DPYSL4: variants seen among roughly 807,000 people sequenced by gnomAD.
The protein encoded by DPYSL4 is dihydropyrimidinase like 4.
In DPYSL4, 43 loss-of-function variants were observed where a neutral mutation model predicts 63.4. The ratio of observed to expected loss-of-function variants is 0.68; its 90% CI spans 0.53 to 0.88. The LOEUF (loss-of-function observed/expected upper bound fraction) is 0.88. Ranked by LOEUF, DPYSL4 falls within the 40% of genes least tolerant of loss-of-function variation. DPYSL4 has a pLI of 0.00. For missense variants in DPYSL4, 733 were observed against 819.5 expected (o/e 0.89, Z 1.29); for synonymous variants, 353 against 331.7 (o/e 1.06, Z -0.70).
intron 1 of DPYSL4, among the ~76,000 whole-genome samples, chr10:132,187,742 C>G (rs187259067): frequency 2.0e-5 from 3 of 152,230 alleles, no homozygotes; most frequent in African/African-American, 4.8e-5. Flanking sequence ...GGCCACTGGC[C>G]GGGAACCCTG....
In DPYSL4 at chr10:132,200,839, C is replaced by T; in HGVS notation, c.969-3C>T. 6.2e-7 allele frequency: 1 copy of T among 1,611,700 alleles called. No homozygotes were observed. Among genetic ancestry groups the T allele is most frequent in the Non-Finnish European group, 8.5e-7 (1 of 1,179,366 alleles). ...GGACCCTCTGACCCTGGCTTGTTTCCAGCGGGGACCTCCAGGTGACAGGCA... is the reference window on the plus strand; with the variant it reads ...GGACCCTCTGACCCTGGCTTGTTTCTAGCGGGGACCTCCAGGTGACAGGCA... On this transcript the variant is annotated splice_polypyrimidine_tract_variant and splice_region_variant and intron_variant, in intron 9 of 13. Transcript: ENST00000338492.
chr10:132,194,489 G>A (rs1258890579), intron 3 of DPYSL4, among the ~76,000 whole-genome samples: 3 of 152,226 alleles, frequency 2.0e-5, no homozygotes, highest in African/African-American at 7.2e-5. Context: ...GGCCCTCGGG[G>A]TGCCTCACCC....
In DPYSL4 at chr10:132,205,000, C is replaced by T. The variant is rs978068058; in HGVS notation, c.*70C>T. The T allele has an allele frequency of 2.4e-6, 3 of 1,273,186 alleles. No homozygotes were observed. Among genetic ancestry groups the T allele is most frequent in the African/African-American group, 1.5e-5 (1 of 66,458 alleles). 78.9% of individuals were successfully genotyped at this position (1,273,186 alleles called of 1,614,324 possible). On this transcript the variant is annotated 3_prime_UTR_variant, in exon 14 of 14. Transcript: ENST00000338492. ...CCGCGGGGGCCCCAGGGCACTCGCC[C>T]CCCTCCTTAGCATTTTCTTTTGTAG...
intron 12 of DPYSL4, 34 bp from the exon 13 acceptor site, chr10:132,203,728 T>G: frequency 6.4e-7 from 1 of 1,571,230 alleles, no homozygotes; most frequent in Non-Finnish European, 8.6e-7. Flanking sequence ...GCTCAGCCCC[T>G]CATGCCCTGT....
chr10:132,200,323 G>C, intron 8 of DPYSL4, 33 bp from the exon 9 acceptor site: 1 of 1,609,890 alleles, frequency 6.2e-7, no homozygotes, highest in South Asian at 1.1e-5. Context: ...GCAGGTGGTC[G>C]GTGGGGCACC....
intron 12 of DPYSL4, among the ~76,000 whole-genome samples, chr10:132,203,288 C>G (rs866627575): frequency 2.2e-4 from 34 of 151,704 alleles, no homozygotes; most frequent in South Asian, 4.2e-4. Context: ...GAGCCCCCCC[C>G]CCATGGCCTT....
intron 2 of DPYSL4, 55 bp downstream of exon 2, chr10:132,190,890 C>T: frequency 1.3e-6 from 2 of 1,543,586 alleles, no homozygotes; most frequent in Admixed American, 1.7e-5. Context: ...ACACGCTGGT[C>T]ACGTGGTATC....
At chr10:132,191,877 T>C (rs58473791) in intron 2 of DPYSL4, among the ~76,000 whole-genome samples, 146 of 113,274 alleles carry the variant, frequency 1.3e-3, no homozygotes, top group African/African-American at 4.6e-3. Flanking sequence ...ACGCTGGTCA[T>C]GTGGTATCCA....
chr10:132,196,229 C>T (rs866281182), intron 4 of DPYSL4, among the ~76,000 whole-genome samples: 12 of 152,228 alleles, frequency 7.9e-5, no homozygotes, highest in Non-Finnish European at 1.2e-4. Context: ...CACACAAGTT[C>T]CGAGTCCTGG....
Position 132,200,988 on chromosome 10 carries a change from G to T in DPYSL4, c.1110+5G>T. 1 of 1,612,648 alleles carries T rather than the reference G, an allele frequency of 6.2e-7. No individual in the cohort carries two copies. Among genetic ancestry groups the T allele is most frequent in the East Asian group, 2.2e-5 (1 of 44,888 alleles). On this transcript the variant is annotated splice_donor_5th_base_variant and intron_variant, in intron 10 of 13. Coordinates refer to ENST00000338492, the MANE Select transcript of DPYSL4 (RefSeq NM_006426.3). Reference sequence around the variant, plus strand: ...ATGGTCTGGGAGAAATGTGTGGTGAGCACAGGCCTGGCCGGGGCACGCCGT... The same window carrying T: ...ATGGTCTGGGAGAAATGTGTGGTGATCACAGGCCTGGCCGGGGCACGCCGT...
At chr10:132,190,368 G>A (rs1414190806) in intron 1 of DPYSL4, among the ~76,000 whole-genome samples, 22 of 152,232 alleles carry the variant, frequency 1.4e-4, no homozygotes, top group Admixed American at 1.4e-3. Context: ...GAGGAGAGCA[G>A]GATCTCTGAG....
rs750273185 is a variant in DPYSL4 at position 132,200,859 on chromosome 10, C to T, written c.986C>T (p.Thr329Ile). 6.2e-7 allele frequency: 1 copy of T among 1,612,732 alleles called. No individual in the cohort carries two copies. The highest frequency in any genetic ancestry group is 2.2e-5 in the East Asian group (1 of 44,884). ...CLLSSGDLQV[T>I]GSAHCTFTTA... ...GTTTCCAGCGGGGACCTCCAGGTGA[C>T]AGGCAGCGCCCACTGCACCTTCACC... Residue 329 changes from threonine (T) to isoleucine (I), a missense_variant, in exon 10 of 14, where the codon ACA (threonine) becomes ATA (isoleucine). Transcript: ENST00000338492.
In DPYSL4 at chr10:132,203,406, G is replaced by A. The variant is rs1258941242; in HGVS notation, c.1462-356G>A. Reference sequence around the variant, plus strand: ...CCAGGTGCTTCACACACGCACAGGGGCACTCGCAGTGGCGTCTGTGCACAC... The same window carrying A: ...CCAGGTGCTTCACACACGCACAGGGACACTCGCAGTGGCGTCTGTGCACAC... On this transcript the variant is annotated intron_variant, in intron 12 of 13. Transcript: ENST00000338492. The A allele has an allele frequency of 1.7e-5, 5 of 292,256 alleles. No homozygotes were observed. The East Asian group carries it at 2.2e-4, about 13-fold the overall frequency. The allele number at this position is 292,256 out of a possible 1,614,324, so 18.1% of individuals were successfully genotyped here. A position where few individuals can be genotyped will look rare whatever the true frequency, so the allele number is the denominator to read the frequency against.
chr10:132,198,513 G>C lies in DPYSL4; in HGVS notation c.690+30G>C, dbSNP rs200385595. On this transcript the variant is annotated intron_variant, in intron 7 of 13. Coordinates refer to ENST00000338492, the MANE Select transcript of DPYSL4 (RefSeq NM_006426.3). ...GATCCCAGGGCACCACAGCACACCC[G>C]AGCCAACTCCGCCCAGACCACTGCT... 4.0e-5 allele frequency: 63 copies of C among 1,574,934 alleles called. No homozygotes were observed. In the African/African-American group the frequency reaches 7.0e-4, roughly 17 times the overall value.
rs765025498 is a variant in DPYSL4 at position 132,198,843 on chromosome 10, G to C, written c.691-8G>C. On this transcript the variant is annotated splice_region_variant and splice_polypyrimidine_tract_variant and intron_variant, in intron 7 of 13. Transcript: ENST00000338492. Reference sequence around the variant, plus strand: ...CGTGTGGCCTCATCCCTCTCATCTCGTCCCCAGGTGGAGGCTGAGGCGGTG... The same window carrying C: ...CGTGTGGCCTCATCCCTCTCATCTCCTCCCCAGGTGGAGGCTGAGGCGGTG... 6.8e-6 allele frequency: 11 copies of C among 1,612,730 alleles called. No homozygotes were observed. The highest frequency in any genetic ancestry group is 1.7e-4 in the Middle Eastern group (1 of 6,056).
intron 1 of DPYSL4, among the ~76,000 whole-genome samples, chr10:132,189,045 G>C (rs1046393998): frequency 1.1e-4 from 17 of 152,236 alleles, no homozygotes; most frequent in African/African-American, 3.6e-4. Context: ...TTCTCATTCT[G>C]AGAGTTTTAC....
intron 13 of DPYSL4, 133 bp downstream of exon 13, chr10:132,204,060 A>G: frequency 8.3e-7 from 1 of 1,211,184 alleles, no homozygotes; most frequent in Non-Finnish European, 1.1e-6. Flanking sequence ...GGGGCAGGAG[A>G]TGCTGCTGGG....
intron 4 of DPYSL4, among the ~76,000 whole-genome samples, chr10:132,195,355 TC>T (rs2061929590): frequency 6.6e-6 from 1 of 152,192 alleles, no homozygotes; most frequent in African/African-American, 2.4e-5. Flanking sequence ...CCCTTTTAAA[TC>T]CATATCTCTT....
chr10:132,187,203 C>A, intron 1 of DPYSL4, 101 bp downstream of exon 1: 1 of 845,262 alleles, frequency 1.2e-6, no homozygotes, highest in Admixed American at 2.9e-5. Flanking sequence ...GGTGGGGGGT[C>A]CCTGCCTTTG....
Sources: gnomAD v4.1 joint callset for allele counts (sites outside exome capture counted in the v4.1 genomes callset) on GRCh38, gnomAD v4.1.1 for gene constraint, MANE v1.5 for transcripts, NCBI Gene and HGNC (gene_info 2026-07-23, HGNC 2026-07-21) for gene names.